The following UBE4A variants were observed in gnomAD, a reference collection of about 807,000 sequenced individuals.
UBE4A encodes ubiquitination factor E4A.
In UBE4A, 48 loss-of-function variants were observed where a neutral mutation model predicts 117.9. That is an observed-to-expected ratio of 0.41 (90% CI 0.32 to 0.52). The LOEUF (loss-of-function observed/expected upper bound fraction) is 0.52. Ranked by LOEUF, UBE4A falls within the 20% of genes least tolerant of loss-of-function variation. The pLI is 0.33. For missense variants in UBE4A, 1,067 were observed against 1,296.3 expected (o/e 0.82, Z 2.72); for synonymous variants, 407 against 450.0 (o/e 0.90, Z 1.21).
intron 10 of UBE4A, 109 bp from the exon 11 acceptor site, chr11:118,379,337 G>A: frequency 8.0e-7 from 1 of 1,256,436 alleles, no homozygotes; most frequent in Non-Finnish European, 1.1e-6. Flanking sequence ...CATTGCAACT[G>A]CAACTCCCTA....
rs754123925 is a variant in UBE4A, at chr11:118,372,648, G to A, written c.703G>A (p.Glu235Lys). The A allele has an allele frequency of 1.9e-6, 3 of 1,614,106 alleles. No homozygotes were observed. The highest frequency in any genetic ancestry group is 2.5e-6 in the Non-Finnish European group (3 of 1,180,018). Residue 235 changes from glutamate (E) to lysine (K), a missense_variant, in exon 6 of 20, where the codon GAA becomes AAA. Physicochemically the swap from Glu to Lys is moderately conservative, Grantham distance 56. Around this residue, in one of 3 missense-constraint regions of UBE4A, gnomAD observed 1,001 missense variants for 1,184.0 expected, o/e 0.85. Coordinates refer to ENST00000252108, the MANE Select transcript of UBE4A (RefSeq NM_001204077.2). ...TGAGCAACTGGTAGATTTGATGTTA[G>A]AAGCCATCCAGGGAGCCCGTGAGTA... ...IHEQLVDLML[E>K]AIQGAHFEDV...
At chr11:118,385,621 G>T (rs1219532986) in intron 15 of UBE4A, among the ~76,000 whole-genome samples, 1 of 152,188 alleles carries the variant, frequency 6.6e-6, no homozygotes, top group Non-Finnish European at 1.5e-5. Context: ...TGTCTGTAGA[G>T]CAAAACTTCC....
intron 8 of UBE4A, among the ~76,000 whole-genome samples, chr11:118,374,168 A>G (rs1948631922): frequency 6.6e-6 from 1 of 152,034 alleles, no homozygotes; most frequent in Non-Finnish European, 1.5e-5. Flanking sequence ...CGTGTGGGGT[A>G]AGAATGAGCT....
chr11:118,393,545 C>T (rs577119027), intron 19 of UBE4A, among the ~76,000 whole-genome samples: 12 of 152,100 alleles, frequency 7.9e-5, no homozygotes, highest in East Asian at 3.9e-4. Context: ...GCGATCCAAC[C>T]GCCTCAGCCT....
At chr11:118,362,298 G>A (rs894551476) in intron 1 of UBE4A, among the ~76,000 whole-genome samples, 1 of 152,052 alleles carries the variant, frequency 6.6e-6, no homozygotes, top group Non-Finnish European at 1.5e-5. Flanking sequence ...AATTTTTTGT[G>A]TGTTTTAAGT....
intron 2 of UBE4A, among the ~76,000 whole-genome samples, chr11:118,367,458 T>C (rs897766692): frequency 6.6e-6 from 1 of 152,152 alleles, no homozygotes; most frequent in African/African-American, 2.4e-5. Context: ...TCTCATATAC[T>C]GTTGGGTTTG....
Position 118,389,803 on chromosome 11 carries a change from T to C in UBE4A, c.2666T>C (p.Val889Ala). 1.9e-6 allele frequency: 3 copies of C among 1,614,048 alleles called. No individual in the cohort carries two copies. Among genetic ancestry groups the C allele is most frequent in the African/African-American group, 2.7e-5 (2 of 75,056 alleles). ...SMLNYFLQHL[V>A]GPKMGALKVK... ...TTGAACTACTTCCTGCAACACCTGG[T>C]TGGCCCCAAGATGGGTGCCTTAAAA... Residue 889 changes from valine to alanine, a missense_variant, in exon 17 of 20, where the codon GTT becomes GCT. Coordinates refer to ENST00000252108, the MANE Select transcript of UBE4A (RefSeq NM_001204077.2).
At position 118,375,105 on chromosome 11, in the gene UBE4A, C is replaced by G. The variant is rs368482492; in HGVS notation, c.1326C>G (p.Leu442=). Residue 442 remains leucine (L), a synonymous_variant, in exon 9 of 20, where the codon CTC becomes CTG. Transcript: ENST00000252108. The part of the protein sequence containing the change: ...DAFFLNLGAA[L]LKLCQPFCKP... Reference sequence around the variant, plus strand: ...TCTTTCTGAATCTGGGTGCTGCTCTCCTGAAGCTATGCCAGCCATTTTGCA... The same window carrying G: ...TCTTTCTGAATCTGGGTGCTGCTCTGCTGAAGCTATGCCAGCCATTTTGCA... 6 of 1,614,190 alleles carry G rather than the reference C, an allele frequency of 3.7e-6. No homozygotes were observed. In the East Asian group the frequency reaches 1.3e-4, roughly 36 times the overall value.
chr11:118,374,709 G>A (rs1193912644), intron 8 of UBE4A, among the ~76,000 whole-genome samples, 187 bp from the exon 9 acceptor site: 1 of 152,220 alleles, frequency 6.6e-6, no homozygotes, highest in Non-Finnish European at 1.5e-5. Flanking sequence ...CAGTTGGGCA[G>A]CTGATCAGAA....
chr11:118,389,505 G>A (rs1555127847), intron 16 of UBE4A, among the ~76,000 whole-genome samples: 1 of 152,140 alleles, frequency 6.6e-6, no homozygotes, highest in Non-Finnish European at 1.5e-5. Flanking sequence ...TCTCTGGATG[G>A]TAGTTTTTGT....
chr11:118,379,062 C>T, intron 10 of UBE4A: 1 of 208,948 alleles, frequency 4.8e-6, no homozygotes, highest in Non-Finnish European at 9.8e-6. Context: ...AAAGTATGAT[C>T]ATTGCATCAA....
At position 118,398,911 on chromosome 11, in the gene UBE4A, T is replaced by A. The variant is rs1948899947; in HGVS notation, c.*2471T>A. On this transcript the variant is annotated 3_prime_UTR_variant, in exon 20 of 20. Transcript: ENST00000252108. ...ATTTGATATCACACTCTACAAAAGC[T>A]TCATTACTTTATTTGATGGTGGTTG... 1 of 272,620 alleles carries A rather than the reference T, an allele frequency of 3.7e-6. No individual in the cohort carries two copies. The highest frequency in any genetic ancestry group is 4.5e-5 in the Admixed American group (1 of 22,280). 16.9% of individuals were successfully genotyped at this position (272,620 alleles called of 1,614,324 possible).
In UBE4A at chr11:118,362,371, G is replaced by A. The variant is rs1306309618; in HGVS notation, c.-41-2669G>A. Among the ~76,000 whole-genome samples the A allele has an allele frequency of 1.2e-4, 19 of 152,180 alleles. 1 individual carries two copies. Among genetic ancestry groups the A allele is most frequent in the Admixed American group, 1.0e-3 (16 of 15,288 alleles). On this transcript the variant is annotated intron_variant, in intron 1 of 19. Transcript: ENST00000252108. ...GAACTCCTGACCTCATGATCTGCCC[G>A]CCTTGGCCTCTCAAAGTGCTGGGAT...
chr11:118,371,460 G>A, intron 4 of UBE4A, 54 bp from the exon 5 acceptor site: 1 of 1,542,658 alleles, frequency 6.5e-7, no homozygotes, highest in Middle Eastern at 1.7e-4. Flanking sequence ...ACATCTTAAT[G>A]TTCTCAGATT....
intron 3 of UBE4A, 106 bp downstream of exon 3, chr11:118,368,910 C>T (rs551739343): frequency 1.8e-6 from 2 of 1,142,552 alleles, no homozygotes; most frequent in Non-Finnish European, 1.3e-6. Flanking sequence ...CAAACCTACT[C>T]ACTGCACTCC....
intron 1 of UBE4A, among the ~76,000 whole-genome samples, chr11:118,362,200 G>C (rs1948525741): frequency 6.6e-6 from 1 of 152,156 alleles, no homozygotes; most frequent in Non-Finnish European, 1.5e-5. Context: ...TTGTCTCACT[G>C]CAACCTCCGC....
chr11:118,374,931 G>A lies in UBE4A; in HGVS notation c.1152G>A (p.Met384Ile). 2.6e-6 allele frequency: 4 copies of A among 1,553,404 alleles called. No individual in the cohort carries two copies. Among genetic ancestry groups the A allele is most frequent in the Non-Finnish European group, 3.5e-6 (4 of 1,147,518 alleles). Residue 384 changes from methionine (M) to isoleucine (I), a missense_variant, in exon 9 of 20, where the codon ATG becomes ATA. This residue lies in a region of UBE4A where 1,001 missense variants were observed against 1,184.0 expected (regional missense o/e 0.85). Transcript: ENST00000252108. ...AGTTCCACGAAAAGATCTACCAGAT[G>A]CTGAAGAACTTACTCCAGCTCTCTC... ...MAQFHEKIYQ[M>I]LKNLLQLSPE...
At chr11:118,375,460 A>G (rs1948644349) in intron 9 of UBE4A, among the ~76,000 whole-genome samples, 1 of 152,024 alleles carries the variant, frequency 6.6e-6, no homozygotes. Flanking sequence ...CCCGTGTTCC[A>G]GCGATTCTCC....
rs146170779 is a variant in UBE4A at position 118,385,807 on chromosome 11, G to A, written c.2413-631G>A. ...TGATCTGATTTCTTCATAATCCTAC[G>A]CTTTAGGATTTAAGATAGGTTTTCT... On this transcript the variant is annotated intron_variant, in intron 15 of 19. Coordinates refer to ENST00000252108, the MANE Select transcript of UBE4A (RefSeq NM_001204077.2). Among the ~76,000 whole-genome samples the A allele has an allele frequency of 7.2e-5, 11 of 152,288 alleles. No individual in the cohort carries two copies. The South Asian group carries it at 8.3e-4, about 11-fold the overall frequency.
Sources: allele counts gnomAD v4.1 joint callset (sites outside exome capture counted in the v4.1 genomes callset), GRCh38; gene constraint gnomAD v4.1.1; regional missense constraint gnomAD v4.1.1; transcripts MANE v1.5; gene names NCBI Gene and HGNC (gene_info 2026-07-23, HGNC 2026-07-21).